The following NCKAP5 variants were observed in gnomAD, a reference collection of about 807,000 sequenced individuals.
NCKAP5 encodes NCK associated protein 5.
Under a neutral mutation model 167.0 loss-of-function variants are expected in NCKAP5, and 92 were observed. The ratio of observed to expected loss-of-function variants is 0.55; its 90% CI spans 0.47 to 0.66. NCKAP5 has a LOEUF of 0.66. Among genes scored for constraint, NCKAP5 ranks in the 30% least tolerant of loss-of-function variants. The pLI, the probability that NCKAP5 is intolerant of heterozygous loss-of-function variation, is 0.00. For missense variants in NCKAP5, 2,378 were observed against 2,315.0 expected (o/e 1.03, Z -0.56); for synonymous variants, 891 against 877.4 (o/e 1.02, Z -0.27).
At chr2:133,638,857 C>CAAAAAAAAAAAAAAAAA in the NCKAP5 span, among the ~76,000 whole-genome samples, 1 of 84,056 alleles carries the variant, frequency 1.2e-5, no homozygotes, top group African/African-American at 4.5e-5. Context: ...GACTCTATCT[C>CAAAAAAAAAAAAAAAAA]AAAAAAAAAA....
intron 8 of NCKAP5, among the ~76,000 whole-genome samples, chr2:132,897,234 C>A (rs1044484780): frequency 6.6e-6 from 1 of 152,176 alleles, no homozygotes; most frequent in Non-Finnish European, 1.5e-5. Context: ...ATTCTCTAAA[C>A]CAGACTTTGA....
chr2:133,658,925 G>A, the NCKAP5 span, among the ~76,000 whole-genome samples: 1 of 151,822 alleles, frequency 6.6e-6, no homozygotes, highest in East Asian at 1.9e-4. Flanking sequence ...ATTGTGTTAT[G>A]AGCTTTTAAA....
chr2:132,967,162 TACACACACACACACAC>T (rs149896546), intron 7 of NCKAP5, among the ~76,000 whole-genome samples: 244 of 141,844 alleles, frequency 1.7e-3, no homozygotes, highest in African/African-American at 5.0e-3. Flanking sequence ...TGCCCTATCG[TACACACACACACACAC>T]ACACACACAC....
At chr2:133,638,782 C>T in the NCKAP5 span, among the ~76,000 whole-genome samples, 2 of 150,680 alleles carry the variant, frequency 1.3e-5, no homozygotes, top group Admixed American at 6.7e-5. Context: ...TTGCTTGAAC[C>T]CAGGGGCAGA....
chr2:132,734,538 T>G (rs1265506685), intron 16 of NCKAP5, among the ~76,000 whole-genome samples: 1 of 152,160 alleles, frequency 6.6e-6, no homozygotes, highest in Admixed American at 6.6e-5. Context: ...GGACCACCTA[T>G]CCCTGAATCA....
chr2:133,435,400 A>G (rs1690411046), intron 3 of NCKAP5, among the ~76,000 whole-genome samples: 1 of 152,134 alleles, frequency 6.6e-6, no homozygotes, highest in South Asian at 2.1e-4. Context: ...AGTAAAAGAG[A>G]GCAATGTTTT....
intron 5 of NCKAP5, among the ~76,000 whole-genome samples, chr2:133,163,597 C>G (rs868442197): frequency 1.3e-5 from 2 of 152,124 alleles, no homozygotes; most frequent in South Asian, 2.1e-4. Context: ...CTCAAAAATG[C>G]GTAACTTCTG....
intron 3 of NCKAP5, among the ~76,000 whole-genome samples, chr2:133,414,307 G>A (rs563244489): frequency 7.2e-5 from 11 of 152,318 alleles, no homozygotes; most frequent in African/African-American, 2.6e-4. Flanking sequence ...AAGACAAGGT[G>A]CCATTCCAAA....
At chr2:133,574,836 T>C in the NCKAP5 span, among the ~76,000 whole-genome samples, 97 of 152,112 alleles carry the variant, frequency 6.4e-4, no homozygotes, top group African/African-American at 1.9e-3. Flanking sequence ...TCAACAGAAA[T>C]GGCAGAAATT....
chr2:132,854,739 T>C (rs967233532), intron 11 of NCKAP5, among the ~76,000 whole-genome samples: 1 of 152,154 alleles, frequency 6.6e-6, no homozygotes, highest in Non-Finnish European at 1.5e-5. Context: ...CTTGAGCAAA[T>C]GCATTTTGCC....
intron 11 of NCKAP5, among the ~76,000 whole-genome samples, chr2:132,856,363 TA>T (rs1398227231): frequency 1.3e-5 from 2 of 151,456 alleles, no homozygotes; most frequent in Non-Finnish European, 1.5e-5. Flanking sequence ...AAGTAGAATG[TA>T]AAAGCCCTCT....
chr2:133,507,967 T>C lies in NCKAP5; in HGVS notation c.69+9491A>G, dbSNP rs73003129. Among the ~76,000 whole-genome samples, 301 of 152,178 alleles carry C rather than the reference T, an allele frequency of 2.0e-3. 2 individuals are homozygous for C. The highest frequency in any genetic ancestry group is 6.9e-3 in the African/African-American group (285 of 41,506). On this transcript the variant is annotated intron_variant, in intron 3 of 19. Coordinates refer to ENST00000409261, the MANE Select transcript of NCKAP5 (RefSeq NM_207363.3). The stretch of plus-strand genomic sequence containing the variant: ...CTAGGCTGCTGAAATACAGCTAATA[T>C]ATATACAGTTTGTACAGCATACACC...
At chr2:132,831,032 A>C (rs1292533984) in intron 11 of NCKAP5, among the ~76,000 whole-genome samples, 1 of 152,184 alleles carries the variant, frequency 6.6e-6, no homozygotes, top group African/African-American at 2.4e-5. Flanking sequence ...GTTTTAAAAA[A>C]CATAAATAAA....
At chr2:133,668,710 C>T in the NCKAP5 span, among the ~76,000 whole-genome samples, 1 of 150,278 alleles carries the variant, frequency 6.7e-6, no homozygotes, top group East Asian at 1.9e-4. Flanking sequence ...TATTTTTATC[C>T]TACTTGGAGT....
chr2:132,783,688 C>T lies in NCKAP5; in HGVS notation c.3123G>A (p.Pro1041=), dbSNP rs201870544. The change falls in exon 14 of 20, where the codon CCG becomes CCA. Residue 1041 remains proline, a synonymous_variant. Transcript: ENST00000409261. The part of the protein sequence containing the change: ...VMALGPPKVS[P]KRGVPKTSPR... ...GAGAGGTTTTGGGGACACCTCTCTT[C>T]GGAGAGACCTTTGGAGGCCCCAGAG... 1.8e-4 allele frequency: 293 copies of T among 1,613,650 alleles called. No individual in the cohort carries two copies. Among genetic ancestry groups the T allele is most frequent in the Middle Eastern group, 3.3e-4 (2 of 6,062 alleles).
intron 15 of NCKAP5, among the ~76,000 whole-genome samples, chr2:132,776,754 T>A (rs928114777): frequency 6.6e-6 from 1 of 152,206 alleles, no homozygotes; most frequent in Non-Finnish European, 1.5e-5. Context: ...GGCAGCAGAT[T>A]CCCCTTGCTA....
chr2:133,211,721 G>T (rs953697216), intron 5 of NCKAP5, among the ~76,000 whole-genome samples: 5 of 152,116 alleles, frequency 3.3e-5, no homozygotes, highest in Admixed American at 3.3e-4. Flanking sequence ...ATAAACATTT[G>T]CCTAACCAAT....
At chr2:132,995,533 C>A (rs2077569855) in intron 6 of NCKAP5, among the ~76,000 whole-genome samples, 1 of 151,772 alleles carries the variant, frequency 6.6e-6, no homozygotes, top group Non-Finnish European at 1.5e-5. Flanking sequence ...CTCTTGTAAT[C>A]CCAGCTACTC....
At chr2:132,729,570 T>C (rs541147595) in intron 17 of NCKAP5, among the ~76,000 whole-genome samples, 2 of 152,308 alleles carry the variant, frequency 1.3e-5, no homozygotes, top group Non-Finnish European at 2.9e-5. Flanking sequence ...TCAGTAGGTA[T>C]GGGGTGGGCT....
Sources: allele counts gnomAD v4.1 joint callset (sites outside exome capture counted in the v4.1 genomes callset), GRCh38; gene constraint gnomAD v4.1.1; transcripts MANE v1.5; gene names NCBI Gene and HGNC (gene_info 2026-07-23, HGNC 2026-07-21).